ARMC2: variants seen among roughly 807,000 people sequenced by gnomAD.
ARMC2 encodes armadillo repeat containing 2.
A neutral mutation model predicts 90.3 loss-of-function variants in ARMC2; 67 were observed. The ratio of observed to expected loss-of-function variants is 0.74; its 90% CI spans 0.61 to 0.91. The LOEUF (loss-of-function observed/expected upper bound fraction) is 0.91. ARMC2 is among the 40% of genes least tolerant of loss of function. ARMC2 has a pLI of 0.00. For missense variants in ARMC2, 920 were observed against 1,030.9 expected, an observed-to-expected ratio of 0.89 and a Z score of 1.47; for synonymous variants, 393 against 393.0, an observed-to-expected ratio of 1.00 and a Z score of 0.00.
intron 10 of ARMC2, among the ~76,000 whole-genome samples, chr6:108,923,589 T>A (rs140126174): frequency 0.036 from 5,430 of 151,520 alleles, 143 homozygotes; most frequent in South Asian, 0.09. Context: ...TGTGACCACA[T>A]GATTTAGCTA....
chr6:108,897,967 GAAT>G (rs541160262), intron 6 of ARMC2, among the ~76,000 whole-genome samples: 3 of 151,962 alleles, frequency 2.0e-5, no homozygotes, highest in African/African-American at 7.3e-5. Context: ...TTCTCTTCAA[GAAT>G]AATAAGAATG....
At chr6:108,935,781 C>T (rs1775912412) in intron 11 of ARMC2, among the ~76,000 whole-genome samples, 1 of 151,906 alleles carries the variant, frequency 6.6e-6, no homozygotes, top group Admixed American at 6.6e-5. Flanking sequence ...TTTTATTACT[C>T]GTATTTAAGT....
At chr6:108,991,345 G>T in the ARMC2 span, among the ~76,000 whole-genome samples, 1 of 152,066 alleles carries the variant, frequency 6.6e-6, no homozygotes, top group Non-Finnish European at 1.5e-5. Context: ...GGGCTCAAGC[G>T]ATCCTCCCTG....
chr6:108,870,604 G>A lies in ARMC2; in HGVS notation c.463+1609G>A, dbSNP rs536933025. ...GGAAAGGAAAGAAAAAAGGAAAGAAGGAAAGAAAAAGAAGAGAGGGAGGGA... is the reference window on the plus strand; with the variant it reads ...GGAAAGGAAAGAAAAAAGGAAAGAAAGAAAGAAAAAGAAGAGAGGGAGGGA... On this transcript the variant is annotated intron_variant, in intron 4 of 17. Transcript: ENST00000392644. Among the ~76,000 whole-genome samples, 4 of 150,800 alleles carry A rather than the reference G, an allele frequency of 2.7e-5. No homozygotes were observed. In the Admixed American group the frequency reaches 2.7e-4, roughly 10 times the overall value.
At chr6:108,899,604 T>C in intron 6 of ARMC2, 90 bp from the exon 7 acceptor site, 2 of 885,124 alleles carry the variant, frequency 2.3e-6, no homozygotes, top group Non-Finnish European at 3.6e-6. Context: ...AGTTTATTAA[T>C]TGTAGTGATG....
chr6:108,980,409 C>T, the ARMC2 span, among the ~76,000 whole-genome samples: 7 of 151,362 alleles, frequency 4.6e-5, no homozygotes, highest in Admixed American at 2.6e-4. Context: ...AGAGCTCTCC[C>T]GTATGAAGTA....
chr6:108,877,301 A>G (rs1777035204), intron 5 of ARMC2, among the ~76,000 whole-genome samples: 1 of 152,234 alleles, frequency 6.6e-6, no homozygotes, highest in Admixed American at 6.5e-5. Context: ...TAGCATGCTT[A>G]AAACTTTTCC....
chr6:109,013,142 T>G, the ARMC2 span, among the ~76,000 whole-genome samples: 9 of 152,056 alleles, frequency 5.9e-5, no homozygotes, highest in African/African-American at 2.2e-4. Flanking sequence ...AGTGTTAAGC[T>G]TCATTAAAGA....
intron 6 of ARMC2, among the ~76,000 whole-genome samples, chr6:108,895,661 T>C (rs547347265): frequency 6.6e-6 from 1 of 152,286 alleles, no homozygotes; most frequent in Admixed American, 6.5e-5. Flanking sequence ...AGTGAACTCA[T>C]GGGCTTTTGT....
At chr6:108,851,719 T>G (rs537762772) in intron 1 of ARMC2, among the ~76,000 whole-genome samples, 1 of 152,296 alleles carries the variant, frequency 6.6e-6, no homozygotes, top group East Asian at 1.9e-4. Flanking sequence ...GGAGGATAGC[T>G]TGAGCCCAGG....
At chr6:109,016,977 A>C in the ARMC2 span, among the ~76,000 whole-genome samples, 2 of 152,076 alleles carry the variant, frequency 1.3e-5, no homozygotes, top group African/African-American at 4.8e-5. Context: ...TTTTTAAAAT[A>C]TATGTTCGTA....
At chr6:108,950,381 T>C (rs979737605) in intron 12 of ARMC2, among the ~76,000 whole-genome samples, 1 of 152,214 alleles carries the variant, frequency 6.6e-6, no homozygotes, top group Admixed American at 6.5e-5. Flanking sequence ...CGTAAATGTC[T>C]ATCAATGGTG....
chr6:108,893,952 T>C (rs1025162505), intron 5 of ARMC2, among the ~76,000 whole-genome samples: 1 of 152,090 alleles, frequency 6.6e-6, no homozygotes, highest in Non-Finnish European at 1.5e-5. Context: ...ATCGCACCAC[T>C]GCACTCTAGC....
intron 5 of ARMC2, among the ~76,000 whole-genome samples, chr6:108,888,395 C>T (rs929052298): frequency 5.3e-5 from 8 of 152,164 alleles, no homozygotes; most frequent in African/African-American, 1.4e-4. Context: ...AAAACTTACC[C>T]GAGGTCACAC....
chr6:109,021,456 T>A, the ARMC2 span, among the ~76,000 whole-genome samples: 2,310 of 152,080 alleles, frequency 0.015, 36 homozygotes, highest in Non-Finnish European at 0.023. Context: ...TCTTGCCTCA[T>A]CCTTCTTTTT....
the ARMC2 span, among the ~76,000 whole-genome samples, chr6:108,993,175 A>G: frequency 6.6e-6 from 1 of 152,148 alleles, no homozygotes; most frequent in Non-Finnish European, 1.5e-5. Context: ...ATTCCAATTT[A>G]TATGTATTAG....
the ARMC2 span, among the ~76,000 whole-genome samples, chr6:108,993,867 G>T: frequency 6.6e-6 from 1 of 151,844 alleles, no homozygotes; most frequent in Non-Finnish European, 1.5e-5. Context: ...GGTACAAACT[G>T]CCGTGCCCAA....
the ARMC2 span, chr6:108,990,576 C>T: frequency 1.9e-5 from 26 of 1,373,458 alleles, no homozygotes; most frequent in African/African-American, 1.2e-4. Context: ...TGTGCATGTG[C>T]GCTCCAAGCA....
chr6:109,007,180 G>A, the ARMC2 span, among the ~76,000 whole-genome samples: 1 of 152,134 alleles, frequency 6.6e-6, no homozygotes, highest in Admixed American at 6.5e-5. Flanking sequence ...CTAATTTTCA[G>A]AGTGAAAATT....
Sources: allele counts gnomAD v4.1 joint callset (sites outside exome capture counted in the v4.1 genomes callset), GRCh38; gene constraint gnomAD v4.1.1; transcripts MANE v1.5; gene names NCBI Gene and HGNC (gene_info 2026-07-23, HGNC 2026-07-21).